The following TAF2 variants were observed in gnomAD, a reference collection of about 807,000 sequenced individuals.
TAF2 encodes TATA-box binding protein associated factor 2.
Under a neutral mutation model 138.5 loss-of-function variants are expected in TAF2, and 61 were observed. The ratio of observed to expected loss-of-function variants is 0.44; its 90% CI spans 0.36 to 0.54. The LOEUF is 0.54. TAF2 is among the 20% of genes least tolerant of loss of function. The pLI is 0.00. For synonymous variants in TAF2, 475 were observed against 469.9 expected (o/e 1.01, Z -0.14); for missense variants, 1,090 against 1,427.9 (o/e 0.76, Z 3.81).
chr8:119,771,612 G>C (rs564235893), intron 18 of TAF2, among the ~76,000 whole-genome samples: 1 of 152,192 alleles, frequency 6.6e-6, no homozygotes, highest in South Asian at 2.1e-4. Flanking sequence ...CAAAATGAAA[G>C]GCATTATATA....
intron 22 of TAF2, among the ~76,000 whole-genome samples, chr8:119,751,710 T>C (rs149299346): frequency 0.021 from 3,151 of 152,332 alleles, 55 homozygotes; most frequent in South Asian, 0.039. Context: ...TGAATTAATA[T>C]GTGAAACCTT....
At chr8:119,784,198 A>G (rs2131144783) in intron 15 of TAF2, among the ~76,000 whole-genome samples, 1 of 152,328 alleles carries the variant, frequency 6.6e-6, no homozygotes, top group East Asian at 1.9e-4. Flanking sequence ...ATTAATTCAA[A>G]TTCAGCAAAT....
intron 2 of TAF2, among the ~76,000 whole-genome samples, chr8:119,821,878 A>G (rs1459931007): frequency 1.3e-5 from 2 of 151,984 alleles, no homozygotes; most frequent in Non-Finnish European, 2.9e-5. Context: ...CTGTACATAA[A>G]CTATTAAAAA....
intron 23 of TAF2, among the ~76,000 whole-genome samples, chr8:119,745,612 T>C (rs934774010): frequency 6.6e-6 from 1 of 152,136 alleles, no homozygotes; most frequent in Non-Finnish European, 1.5e-5. Context: ...CTGGTCTAAA[T>C]ATTGGTGAAA....
chr8:119,775,828 C>T (rs1348906034), intron 18 of TAF2, among the ~76,000 whole-genome samples: 1 of 151,924 alleles, frequency 6.6e-6, no homozygotes, highest in Non-Finnish European at 1.5e-5. Flanking sequence ...TTATACCATC[C>T]ATCAGATAAA....
chr8:119,767,493 C>G (rs1468540037), intron 18 of TAF2, among the ~76,000 whole-genome samples: 2 of 152,152 alleles, frequency 1.3e-5, no homozygotes, highest in Non-Finnish European at 2.9e-5. Flanking sequence ...ATCCTAGCAG[C>G]AGGGAGCCGA....
At chr8:119,786,239 C>T (rs1823002561) in intron 14 of TAF2, among the ~76,000 whole-genome samples, 1 of 152,050 alleles carries the variant, frequency 6.6e-6, no homozygotes, top group Non-Finnish European at 1.5e-5. Context: ...CTTTGAAATA[C>T]ATCAAGAATG....
intron 3 of TAF2, among the ~76,000 whole-genome samples, chr8:119,816,110 G>A (rs562702581): frequency 6.7e-6 from 1 of 149,464 alleles, no homozygotes; most frequent in East Asian, 2.0e-4. Context: ...GAGTGCAGTG[G>A]CGCGATCTCG....
Position 119,788,235 on chromosome 8 carries a change from A to G in TAF2, c.1793+103T>C, listed in dbSNP as rs571697988. The G allele has an allele frequency of 4.4e-5, 43 of 985,250 alleles. 1 individual carries two copies. The East Asian group carries it at 9.8e-4, about 23-fold the overall frequency. 61.0% of individuals were successfully genotyped at this position (985,250 alleles called of 1,614,324 possible). ...ACATGTATCCCACAACTTAAAGTAT[A>G]ATTTAAAAAAAATTAGGTATACAAG... On this transcript the variant is annotated intron_variant, in intron 14 of 25. Transcript: ENST00000378164.
At chr8:119,812,064 TAA>T (rs2131236088) in intron 3 of TAF2, among the ~76,000 whole-genome samples, 1 of 152,322 alleles carries the variant, frequency 6.6e-6, no homozygotes, top group Non-Finnish European at 1.5e-5. Context: ...GGCCTCCATT[TAA>T]ACTTTGTTGC....
rs1030079512 is a variant in TAF2 at position 119,825,117 on chromosome 8, C to G, written c.139-5611G>C. ...GTCAAGGCAGCCGGGAGGCTGCAAC[C>G]TGCAAAGTCTCAGAGGCAGAGCTGC... On this transcript the variant is annotated intron_variant, in intron 2 of 25. Transcript: ENST00000378164. Among the ~76,000 whole-genome samples the G allele has an allele frequency of 4.6e-5, 7 of 152,266 alleles. 1 individual carries two copies. In the South Asian group the frequency reaches 1.4e-3, roughly 31 times the overall value.
At position 119,789,719 on chromosome 8, in the gene TAF2, T is replaced by C. The variant is rs1378529437; in HGVS notation, c.1441A>G (p.Ser481Gly). The change falls in exon 12 of 26, where the codon AGT becomes GGT. Residue 481 changes from serine to glycine, a missense_variant. Coordinates refer to ENST00000378164, the MANE Select transcript of TAF2 (RefSeq NM_003184.4). ...QVFNKLLSLASTASSQKFQSH... is the reference protein window; with the variant it reads ...QVFNKLLSLAGTASSQKFQSH... Reference sequence around the variant, plus strand: ...TGGAACTTCTGAGATGAAGCAGTACTAGCCAGACTTAGCAGTTTATTGAAA... The same window carrying C: ...TGGAACTTCTGAGATGAAGCAGTACCAGCCAGACTTAGCAGTTTATTGAAA... The C allele has an allele frequency of 6.2e-7, 1 of 1,613,708 alleles. No individual in the cohort carries two copies. The highest frequency in any genetic ancestry group is 8.5e-7 in the Non-Finnish European group (1 of 1,179,922).
At position 119,744,268 on chromosome 8, in the gene TAF2, T is replaced by C. The variant is rs747454526; in HGVS notation, c.3214+20A>G. 5.1e-5 allele frequency: 82 copies of C among 1,600,842 alleles called. No homozygotes were observed. The highest frequency in any genetic ancestry group is 6.2e-5 in the Non-Finnish European group (73 of 1,168,198). On this transcript the variant is annotated intron_variant, in intron 24 of 25. Transcript: ENST00000378164. The stretch of plus-strand genomic sequence containing the variant: ...ACCAATGTCTCCATCTCCTCAATGA[T>C]TGCAGAATACTAATCTTACCTGGAG...
intron 9 of TAF2, 23 bp from the exon 10 acceptor site, chr8:119,793,474 A>T (rs1161036491): frequency 1.1e-5 from 17 of 1,574,272 alleles, no homozygotes; most frequent in Non-Finnish European, 1.5e-5. Context: ...TAAAAATAGG[A>T]GTCAGTAAAA....
At chr8:119,761,129 G>GT (rs981063714) in intron 19 of TAF2, among the ~76,000 whole-genome samples, 27 of 152,060 alleles carry the variant, frequency 1.8e-4, no homozygotes, top group African/African-American at 6.0e-4. Flanking sequence ...TTATCTTATG[G>GT]TAAGTGTCCT....
chr8:119,826,690 A>C (rs2131270140), intron 2 of TAF2, among the ~76,000 whole-genome samples: 1 of 152,046 alleles, frequency 6.6e-6, no homozygotes, highest in South Asian at 2.1e-4. Context: ...TCCTGGGTTC[A>C]AGCGACTCTC....
At chr8:119,795,380 T>C in intron 9 of TAF2, 152 bp downstream of exon 9, 1 of 734,206 alleles carries the variant, frequency 1.4e-6, no homozygotes, top group Non-Finnish European at 2.3e-6. Context: ...GGAGATTAGA[T>C]AAAATAGACC....
At chr8:119,831,413 G>C (rs1376748808) in intron 2 of TAF2, among the ~76,000 whole-genome samples, 1 of 151,688 alleles carries the variant, frequency 6.6e-6, no homozygotes, top group African/African-American at 2.4e-5. Context: ...TGGCTATACA[G>C]GCTTTCATAT....
intron 3 of TAF2, among the ~76,000 whole-genome samples, chr8:119,815,510 G>A (rs1413823232): frequency 1.3e-5 from 2 of 151,618 alleles, no homozygotes; most frequent in South Asian, 2.1e-4. Context: ...CCCTGACCTC[G>A]TGATCCACCC....
Sources: allele counts gnomAD v4.1 joint callset (sites outside exome capture counted in the v4.1 genomes callset), GRCh38; gene constraint gnomAD v4.1.1; transcripts MANE v1.5; gene names NCBI Gene and HGNC (gene_info 2026-07-23, HGNC 2026-07-21).